Variants in PTPRM observed in about 807,000 individuals in gnomAD.
The protein encoded by PTPRM is protein tyrosine phosphatase receptor type M.
PTPRM carries 47 observed loss-of-function variants against 186.7 expected under a neutral mutation model. That is an observed-to-expected ratio of 0.25 (90% CI 0.20 to 0.32). The LOEUF is 0.32. Among genes scored for constraint, PTPRM ranks in the 10% least tolerant of loss-of-function variants. The pLI is 1.00. For synonymous variants in PTPRM, 668 were observed against 674.9 expected (o/e 0.99, Z 0.16); for missense variants, 1,494 against 1,865.0 (o/e 0.80, Z 3.66).
intron 14 of PTPRM, among the ~76,000 whole-genome samples, chr18:8,164,759 C>T (rs374492533): frequency 2.0e-5 from 3 of 152,176 alleles, no homozygotes; most frequent in South Asian, 2.1e-4. Context: ...GAAAAATTAG[C>T]GAGACAGACA....
chr18:7,845,096 G>A (rs1457670859), intron 2 of PTPRM, among the ~76,000 whole-genome samples: 2 of 152,172 alleles, frequency 1.3e-5, no homozygotes, highest in Non-Finnish European at 2.9e-5. Context: ...ACAGTTCTCT[G>A]AGGCACTGAC....
At chr18:8,222,017 G>A (rs569172964) in intron 14 of PTPRM, among the ~76,000 whole-genome samples, 5 of 152,272 alleles carry the variant, frequency 3.3e-5, no homozygotes, top group South Asian at 2.1e-4. Context: ...CTCCCACCAC[G>A]TAGCTGCACT....
intron 1 of PTPRM, among the ~76,000 whole-genome samples, chr18:7,653,426 A>C (rs1457044388): frequency 6.6e-6 from 1 of 152,012 alleles, no homozygotes; most frequent in Non-Finnish European, 1.5e-5. Flanking sequence ...CCATGTATTA[A>C]GCCTAGTACC....
At chr18:8,330,350 C>A (rs151187584) in intron 22 of PTPRM, among the ~76,000 whole-genome samples, 5 of 152,304 alleles carry the variant, frequency 3.3e-5, no homozygotes, top group African/African-American at 1.2e-4. Flanking sequence ...TTTCCTCATG[C>A]AACACCCTTC....
intron 2 of PTPRM, among the ~76,000 whole-genome samples, chr18:7,855,269 A>C (rs1049783096): frequency 6.6e-6 from 1 of 152,198 alleles, no homozygotes; most frequent in African/African-American, 2.4e-5. Flanking sequence ...ATTATGTGAC[A>C]TACTGGCATG....
chr18:8,343,635 A>C, intron 23 of PTPRM, 115 bp downstream of exon 23: 1 of 759,512 alleles, frequency 1.3e-6, no homozygotes. Context: ...AACATTAACT[A>C]CTCCAGCTCC....
intron 32 of PTPRM, among the ~76,000 whole-genome samples, chr18:8,400,414 C>G (rs1039395606): frequency 2.0e-5 from 3 of 152,212 alleles, no homozygotes; most frequent in African/African-American, 4.8e-5. Context: ...CCGCCCACCC[C>G]CAACTCCCGG....
At chr18:8,195,822 C>A (rs1417974017) in intron 14 of PTPRM, among the ~76,000 whole-genome samples, 2 of 152,058 alleles carry the variant, frequency 1.3e-5, no homozygotes, top group Non-Finnish European at 2.9e-5. Context: ...ACACTGAAAG[C>A]CCAGACTCCA....
At chr18:7,645,644 C>T (rs2038543698) in intron 1 of PTPRM, among the ~76,000 whole-genome samples, 1 of 152,176 alleles carries the variant, frequency 6.6e-6, no homozygotes, top group South Asian at 2.1e-4. Context: ...TGGAATGCTA[C>T]TCATTTTGGC....
chr18:7,714,680 G>A (rs1453587181), intron 1 of PTPRM, among the ~76,000 whole-genome samples: 2 of 151,986 alleles, frequency 1.3e-5, no homozygotes, highest in Admixed American at 6.6e-5. Flanking sequence ...AATGATAAAG[G>A]GGGTATCACC....
At chr18:8,234,536 C>G (rs180842460) in intron 14 of PTPRM, among the ~76,000 whole-genome samples, 3 of 152,056 alleles carry the variant, frequency 2.0e-5, no homozygotes, top group Non-Finnish European at 2.9e-5. Context: ...GAACAAAGAG[C>G]GTTTCATTCA....
chr18:8,135,907 T>C (rs1241809745), intron 13 of PTPRM, among the ~76,000 whole-genome samples: 3 of 152,236 alleles, frequency 2.0e-5, no homozygotes, highest in African/African-American at 7.2e-5. Flanking sequence ...TTTGATGAGA[T>C]GGTGAATGAC....
chr18:8,376,776 A>G (rs1023044695), intron 26 of PTPRM, 179 bp downstream of exon 26: 1 of 729,132 alleles, frequency 1.4e-6, no homozygotes, highest in Non-Finnish European at 2.1e-6. Context: ...CCTCTCATAA[A>G]CAAACCAAAC....
intron 1 of PTPRM, among the ~76,000 whole-genome samples, chr18:7,615,639 C>T (rs1216392139): frequency 6.6e-6 from 1 of 152,130 alleles, no homozygotes; most frequent in Non-Finnish European, 1.5e-5. Context: ...TGTAAGGTGG[C>T]AGGCCTCAAC....
At chr18:7,571,625 T>C (rs1461992635) in intron 1 of PTPRM, among the ~76,000 whole-genome samples, 2 of 152,356 alleles carry the variant, frequency 1.3e-5, no homozygotes, top group Non-Finnish European at 2.9e-5. Context: ...ATTTGAAATA[T>C]ATTAAATGTT....
intron 1 of PTPRM, among the ~76,000 whole-genome samples, chr18:7,655,315 G>A (rs139592171): frequency 9.9e-5 from 15 of 152,152 alleles, no homozygotes; most frequent in African/African-American, 3.6e-4. Flanking sequence ...CTGCCTCAGC[G>A]TCCCAAAGTG....
intron 2 of PTPRM, among the ~76,000 whole-genome samples, chr18:7,833,454 C>G (rs1190840039): frequency 1.3e-5 from 2 of 151,966 alleles, no homozygotes; most frequent in African/African-American, 4.8e-5. Flanking sequence ...TGATTTTTGG[C>G]CAGGTGCAGT....
chr18:7,751,849 C>A, intron 1 of PTPRM, among the ~76,000 whole-genome samples: 1 of 147,502 alleles, frequency 6.8e-6, no homozygotes, highest in African/African-American at 2.7e-5. Context: ...TTCCACATAC[C>A]TTCCTCTCTA....
chr18:8,379,541 G>T (rs1052659081), intron 28 of PTPRM, among the ~76,000 whole-genome samples: 10 of 152,178 alleles, frequency 6.6e-5, no homozygotes, highest in Admixed American at 6.5e-4. Context: ...AAGACCACCA[G>T]GCCAGGAGTA....
Sources: allele counts gnomAD v4.1 joint callset (sites outside exome capture counted in the v4.1 genomes callset), GRCh38; gene constraint gnomAD v4.1.1; transcripts MANE v1.5; gene names NCBI Gene and HGNC (gene_info 2026-07-23, HGNC 2026-07-21).